Variants in PCDH11X observed in about 807,000 individuals in gnomAD.
PCDH11X encodes protocadherin-11 X-linked.
In PCDH11X, 18 loss-of-function variants were observed where a neutral mutation model predicts 53.3. The ratio of observed to expected loss-of-function variants is 0.34; its 90% CI spans 0.23 to 0.50. The LOEUF is 0.50. Among genes scored for constraint, PCDH11X ranks in the 20% least tolerant of loss-of-function variants. The pLI is 0.98. For synonymous variants in PCDH11X, 279 were observed against 393.3 expected, an observed-to-expected ratio of 0.71 and a Z score of 3.44; for missense variants, 570 against 1,032.4, an observed-to-expected ratio of 0.55 and a Z score of 6.14.
intron 6 of PCDH11X, among the ~76,000 whole-genome samples, chrX:92,119,225 C>T (rs1422806174): frequency 9.1e-6 from 1 of 110,104 alleles, no homozygotes; most frequent in Non-Finnish European, 1.9e-5. Context: ...CCCACCTCAG[C>T]CTCCTGAGTA....
intron 6 of PCDH11X, among the ~76,000 whole-genome samples, chrX:92,189,360 C>G (rs751774238): frequency 9.0e-6 from 1 of 111,487 alleles, no homozygotes; most frequent in Admixed American, 9.6e-5. Flanking sequence ...GCTTGCAGCT[C>G]GATCCATGTC....
chrX:91,891,861 T>TAA (rs761412273), intron 6 of PCDH11X, among the ~76,000 whole-genome samples: 1 of 87,284 alleles, frequency 1.1e-5, no homozygotes, highest in African/African-American at 4.2e-5. Flanking sequence ...GTATGTTTAA[T>TAA]AAAAAAACAA....
At chrX:91,923,845 T>A (rs2033406953) in intron 6 of PCDH11X, among the ~76,000 whole-genome samples, 2 of 110,676 alleles carry the variant, frequency 1.8e-5, no homozygotes, top group East Asian at 5.8e-4. Flanking sequence ...AAACATTAAG[T>A]ACACATAGAC....
At chrX:92,144,252 T>G (rs764599035) in intron 6 of PCDH11X, among the ~76,000 whole-genome samples, 84 of 108,219 alleles carry the variant, frequency 7.8e-4, no homozygotes, top group Non-Finnish European at 1.3e-3. Flanking sequence ...TGGGAAGCCA[T>G]GATTGGTTTT....
intron 8 of PCDH11X, among the ~76,000 whole-genome samples, chrX:92,375,976 A>G (rs1316614670): frequency 9.0e-6 from 1 of 111,253 alleles, no homozygotes; most frequent in Admixed American, 9.6e-5. Context: ...AAATTAAGAA[A>G]TATTGATGTG....
At chrX:92,302,880 A>C (rs2068751591) in intron 8 of PCDH11X, among the ~76,000 whole-genome samples, 1 of 110,769 alleles carries the variant, frequency 9.0e-6, no homozygotes, top group African/African-American at 3.3e-5. Context: ...AAGAGATAGA[A>C]AGTTGAGAAA....
chrX:92,371,986 T>C (rs2070635479), intron 8 of PCDH11X, among the ~76,000 whole-genome samples: 1 of 111,250 alleles, frequency 9.0e-6, no homozygotes, highest in Non-Finnish European at 1.9e-5. Context: ...AGAAATATAT[T>C]ATATGTCTAT....
chrX:92,416,942 A>T (rs1453801715), intron 9 of PCDH11X, among the ~76,000 whole-genome samples: 3 of 111,111 alleles, frequency 2.7e-5, no homozygotes, highest in Non-Finnish European at 5.7e-5. Context: ...TTTTAGTTTA[A>T]CATTATCTCA....
At chrX:92,131,826 G>A (rs2064977040) in intron 6 of PCDH11X, among the ~76,000 whole-genome samples, 1 of 108,902 alleles carries the variant, frequency 9.2e-6, no homozygotes. Context: ...AGTTTCTTCA[G>A]ACCCCCAATA....
intron 1 of PCDH11X, among the ~76,000 whole-genome samples, chrX:91,791,808 C>G (rs1265429126): frequency 2.0e-5 from 2 of 100,451 alleles, no homozygotes; most frequent in Non-Finnish European, 4.0e-5. Flanking sequence ...GAGAAGAAAA[C>G]TTACTCTATG....
intron 5 of PCDH11X, among the ~76,000 whole-genome samples, chrX:91,839,676 T>A (rs1937446859): frequency 9.1e-6 from 1 of 110,451 alleles, no homozygotes; most frequent in Admixed American, 9.8e-5. Flanking sequence ...TACCAAGTAA[T>A]TCTGCTTGTT....
At chrX:91,887,601 G>T (rs1940292195) in intron 6 of PCDH11X, among the ~76,000 whole-genome samples, 1 of 111,809 alleles carries the variant, frequency 8.9e-6, no homozygotes, top group South Asian at 3.6e-4. Flanking sequence ...TTTAGATGAA[G>T]AATTTTAAAA....
chrX:92,220,878 G>A (rs1219322722), intron 7 of PCDH11X, among the ~76,000 whole-genome samples: 2 of 106,867 alleles, frequency 1.9e-5, no homozygotes, highest in African/African-American at 3.4e-5. Context: ...CATAAAAAGT[G>A]ATGAGTTCAT....
At chrX:91,788,806 T>C (rs1015545760) in intron 1 of PCDH11X, among the ~76,000 whole-genome samples, 1 of 111,889 alleles carries the variant, frequency 8.9e-6, no homozygotes, top group Non-Finnish European at 1.9e-5. Flanking sequence ...GAGCGTTGGA[T>C]GATAGGGCCT....
At chrX:92,615,337 G>C (rs899252044) in intron 10 of PCDH11X, among the ~76,000 whole-genome samples, 5 of 111,458 alleles carry the variant, frequency 4.5e-5, no homozygotes, top group South Asian at 3.8e-4. Flanking sequence ...TTGGATTTCT[G>C]CATGGAGGTG....
At chrX:92,399,843 G>C (rs775629265) in intron 9 of PCDH11X, among the ~76,000 whole-genome samples, 6 of 108,948 alleles carry the variant, frequency 5.5e-5, no homozygotes, top group Non-Finnish European at 1.1e-4. Context: ...CTGGGTTCAC[G>C]CCATTCTCCT....
At chrX:91,827,846 G>C (rs1250558433) in intron 4 of PCDH11X, among the ~76,000 whole-genome samples, 4 of 108,985 alleles carry the variant, frequency 3.7e-5, no homozygotes, top group Non-Finnish European at 7.6e-5. Flanking sequence ...CTGTAGCCCT[G>C]TAGTATAGTT....
intron 6 of PCDH11X, among the ~76,000 whole-genome samples, chrX:91,893,069 T>G (rs977996174): frequency 9.1e-6 from 1 of 109,482 alleles, no homozygotes; most frequent in Non-Finnish European, 1.9e-5. Flanking sequence ...TTTCAAATCT[T>G]AGCATCAACC....
intron 6 of PCDH11X, among the ~76,000 whole-genome samples, chrX:92,037,094 A>G (rs893525147): frequency 1.8e-5 from 2 of 111,664 alleles, no homozygotes; most frequent in Non-Finnish European, 3.8e-5. Context: ...CAGAAAATGC[A>G]GATTCATTAC....
Sources: gnomAD v4.1 joint callset for allele counts (sites outside exome capture counted in the v4.1 genomes callset) on GRCh38, gnomAD v4.1.1 for gene constraint, MANE v1.5 for transcripts, NCBI Gene and HGNC (gene_info 2026-07-23, HGNC 2026-07-21) for gene names.